Variants in ADARB2 observed in about 807,000 individuals in gnomAD.
ADARB2 encodes inactive double-stranded RNA-specific editase B2.
ADARB2 carries 25 observed loss-of-function variants against 62.2 expected under a neutral mutation model. The observed-to-expected ratio is 0.40, with a 90% CI of 0.29 to 0.56. ADARB2 has a LOEUF of 0.56. Ranked by LOEUF, ADARB2 falls within the 20% of genes least tolerant of loss-of-function variation. ADARB2 has a pLI of 0.43. For synonymous variants in ADARB2, 572 were observed against 500.8 expected (o/e 1.14, Z -1.90); for missense variants, 1,071 against 1,077.4 (o/e 0.99, Z 0.08).
intron 3 of ADARB2, among the ~76,000 whole-genome samples, chr10:1,353,054 C>A (rs990307820): frequency 2.0e-5 from 3 of 152,152 alleles, no homozygotes; most frequent in Non-Finnish European, 4.4e-5. Context: ...TCAAGGAAAT[C>A]ACCTCTCAGT....
At chr10:1,359,110 T>C (rs1376148774) in intron 3 of ADARB2, among the ~76,000 whole-genome samples, 1 of 152,194 alleles carries the variant, frequency 6.6e-6, no homozygotes, top group Non-Finnish European at 1.5e-5. Flanking sequence ...CATATTTATA[T>C]CCTGACACAG....
chr10:1,233,730 C>G lies in ADARB2; in HGVS notation c.1477G>C (p.Ala493Pro), dbSNP rs200268465. Residue 493 changes from alanine (A) to proline (P), a missense_variant, in exon 6 of 10, where the codon GCA (alanine) becomes CCA (proline). By Grantham distance (27) the Ala-to-Pro change is conservative. Coordinates refer to ENST00000381312, the MANE Select transcript of ADARB2 (RefSeq NM_018702.4). ...ATCTCGTAGGGAGAGTGGAGTCTTG[C>G]GTCTCCACAGGGGGAGGTGCTCACG... Reference protein sequence around the residue: ...LYVSTSPCGDARLHSPYEITT... With the variant: ...LYVSTSPCGDPRLHSPYEITT... 1.9e-6 allele frequency: 3 copies of G among 1,613,322 alleles called. No individual in the cohort carries two copies. Among genetic ancestry groups the G allele is most frequent in the Non-Finnish European group, 2.5e-6 (3 of 1,179,802 alleles).
chr10:1,346,273 T>TG (rs1220607176), intron 3 of ADARB2, among the ~76,000 whole-genome samples: 1 of 151,958 alleles, frequency 6.6e-6, no homozygotes, highest in Admixed American at 6.6e-5. Flanking sequence ...GGTGAGAGAG[T>TG]GGCCAGAATG....
At chr10:1,286,823 G>A (rs908865518) in intron 3 of ADARB2, among the ~76,000 whole-genome samples, 3 of 152,208 alleles carry the variant, frequency 2.0e-5, no homozygotes, top group Admixed American at 1.3e-4. Context: ...TTAGGAGGTT[G>A]GATGACAGTG....
At chr10:1,221,572 C>G (rs1371056741) in intron 6 of ADARB2, among the ~76,000 whole-genome samples, 1 of 151,748 alleles carries the variant, frequency 6.6e-6, no homozygotes, top group African/African-American at 2.4e-5. Context: ...CCCCCCTCAC[C>G]CCACCCCACC....
intron 1 of ADARB2, among the ~76,000 whole-genome samples, chr10:1,575,961 C>T (rs1017999888): frequency 4.3e-3 from 123 of 28,920 alleles, no homozygotes; most frequent in Middle Eastern, 0.033. Flanking sequence ...GGGAGGGGTA[C>T]TCCGGGGCCA....
chr10:1,569,392 G>A (rs1832906476), intron 1 of ADARB2, among the ~76,000 whole-genome samples: 2 of 152,196 alleles, frequency 1.3e-5, no homozygotes, highest in Admixed American at 1.3e-4. Flanking sequence ...TGAACCCCCA[G>A]CCTGCAGAAC....
At chr10:1,526,835 G>A (rs1832152353) in intron 1 of ADARB2, 1 of 517,154 alleles carries the variant, frequency 1.9e-6, no homozygotes, top group African/African-American at 1.9e-5. Flanking sequence ...GTGCGTGGAG[G>A]GGTCGTGAGC....
At chr10:1,617,617 G>T (rs1369692455) in intron 1 of ADARB2, among the ~76,000 whole-genome samples, 2 of 144,982 alleles carry the variant, frequency 1.4e-5, no homozygotes, top group Non-Finnish European at 3.0e-5. Flanking sequence ...CTGCATCCTG[G>T]GAACTGGCGT....
intron 7 of ADARB2, among the ~76,000 whole-genome samples, chr10:1,213,461 A>G (rs2387306): frequency 0.79 from 120,463 of 152,098 alleles, 47,913 homozygotes; most frequent in African/African-American, 0.87. Context: ...GCCAGTGGCT[A>G]GGGGCATTTC....
chr10:1,504,568 G>A (rs577376777), intron 1 of ADARB2, among the ~76,000 whole-genome samples: 18 of 152,300 alleles, frequency 1.2e-4, no homozygotes, highest in East Asian at 1.2e-3. Flanking sequence ...GGGCCTGGAC[G>A]TTCACATGGA....
intron 1 of ADARB2, among the ~76,000 whole-genome samples, chr10:1,408,713 G>T (rs1832728768): frequency 6.6e-6 from 1 of 152,174 alleles, no homozygotes; most frequent in Non-Finnish European, 1.5e-5. Context: ...GTGTCTTGGT[G>T]AGCCTGTGTG....
At position 1,730,139 on chromosome 10, in the gene ADARB2, T is replaced by A. The variant is rs80296484; in HGVS notation, c.100+6912A>T. On this transcript the variant is annotated intron_variant, in intron 1 of 9. Coordinates refer to ENST00000381312, the MANE Select transcript of ADARB2 (RefSeq NM_018702.4). Reference sequence around the variant, plus strand: ...GTTTACAAATAGATTCTGAGCAATGTTCATTTTATTTATGATCCAAATGGC... The same window carrying A: ...GTTTACAAATAGATTCTGAGCAATGATCATTTTATTTATGATCCAAATGGC... Among the ~76,000 whole-genome samples, 436 of 152,282 alleles carry A rather than the reference T, an allele frequency of 2.9e-3. 4 individuals carry two copies. Among genetic ancestry groups the A allele is most frequent in the African/African-American group, 9.7e-3 (403 of 41,546 alleles).
At chr10:1,513,111 G>A (rs778605472) in intron 1 of ADARB2, among the ~76,000 whole-genome samples, 1 of 152,140 alleles carries the variant, frequency 6.6e-6, no homozygotes, top group Non-Finnish European at 1.5e-5. Context: ...GAAGGTGATG[G>A]GCATGTTGAT....
chr10:1,249,255 A>G (rs776355893), intron 4 of ADARB2, among the ~76,000 whole-genome samples: 6 of 152,284 alleles, frequency 3.9e-5, no homozygotes, highest in Non-Finnish European at 4.4e-5. Flanking sequence ...CAGCCTGGGC[A>G]ACATAGCCAG....
chr10:1,729,277 A>G (rs984614777), intron 1 of ADARB2, among the ~76,000 whole-genome samples: 2 of 152,248 alleles, frequency 1.3e-5, no homozygotes, highest in Admixed American at 1.3e-4. Context: ...AAATTTATAA[A>G]AACAATGTCC....
rs1033017702 is a variant in ADARB2 at position 1,199,653 on chromosome 10, G to C, written c.1864+313C>G. On this transcript the variant is annotated intron_variant, in intron 8 of 9. Transcript: ENST00000381312. ...GGCAGGTGGGCAGGTGGGCGGCCAG[G>C]TGGGCAGGTGGGGCCTCTTGGGTGA... The C allele has an allele frequency of 1.7e-5, 5 of 297,422 alleles. No individual in the cohort carries two copies. The East Asian group carries it at 2.1e-4, about 13-fold the overall frequency. 18.4% of individuals were successfully genotyped at this position (297,422 alleles called of 1,614,324 possible).
At chr10:1,460,983 G>A (rs567967934) in intron 1 of ADARB2, among the ~76,000 whole-genome samples, 1 of 152,300 alleles carries the variant, frequency 6.6e-6, no homozygotes, top group Admixed American at 6.5e-5. Context: ...ACAATTTTAT[G>A]TGCAATACCG....
intron 3 of ADARB2, among the ~76,000 whole-genome samples, chr10:1,312,622 G>A (rs1341382976): frequency 1.3e-5 from 2 of 152,242 alleles, no homozygotes; most frequent in African/African-American, 2.4e-5. Flanking sequence ...GGCTGTCACA[G>A]TAACCCTTTG....
Sources: gnomAD v4.1 joint callset for allele counts (sites outside exome capture counted in the v4.1 genomes callset) on GRCh38, gnomAD v4.1.1 for gene constraint, MANE v1.5 for transcripts, NCBI Gene and HGNC (gene_info 2026-07-23, HGNC 2026-07-21) for gene names.